The following MDFI variants were observed in gnomAD, a reference collection of about 807,000 sequenced individuals.
MDFI encodes inhibitor of MyoD family a.
In MDFI, 16 loss-of-function variants were observed where a neutral mutation model predicts 22.3. The ratio of observed to expected loss-of-function variants is 0.72; its 90% CI spans 0.49 to 1.09. The LOEUF is 1.09. Ranked by LOEUF, MDFI falls within the 50% of genes least tolerant of loss-of-function variation. The pLI is 0.00. For synonymous variants in MDFI, 145 were observed against 142.7 expected, an observed-to-expected ratio of 1.02 and a Z score of -0.12; for missense variants, 314 against 326.1, an observed-to-expected ratio of 0.96 and a Z score of 0.29.
At chr6:41,647,256 C>T (rs1318976664) in intron 3 of MDFI, among the ~76,000 whole-genome samples, 1 of 152,250 alleles carries the variant, frequency 6.6e-6, no homozygotes, top group Admixed American at 6.5e-5. Context: ...ACAGACACTC[C>T]TGTGTCTGTG....
intron 3 of MDFI, among the ~76,000 whole-genome samples, chr6:41,648,429 G>T (rs1314106916): frequency 6.6e-6 from 1 of 152,226 alleles, no homozygotes; most frequent in African/African-American, 2.4e-5. Context: ...CAGGCAGTGT[G>T]CAATGTTGTG....
chr6:41,638,691 G>A lies in MDFI; in HGVS notation c.-12+39G>A, dbSNP rs1767724172. 2 of 1,515,762 alleles carry A rather than the reference G, an allele frequency of 1.3e-6. No individual in the cohort carries two copies. The highest frequency in any genetic ancestry group is 1.4e-5 in the African/African-American group (1 of 72,248). The allele number at this position is 1,515,762 out of a possible 1,614,324, so 93.9% of individuals were successfully genotyped here. On this transcript the variant is annotated intron_variant, in intron 1 of 4. Transcript: ENST00000230321. The surrounding 1 kb of genome is among the most constrained non-coding windows in gnomAD (Gnocchi z 7.6). ...GGAGGCGCGCATCTGCGGGGGAATC[G>A]CCCCTTGCCCGCCTCCGGCGCCGCC...
At chr6:41,647,957 T>G (rs1768115288) in intron 3 of MDFI, among the ~76,000 whole-genome samples, 1 of 139,770 alleles carries the variant, frequency 7.2e-6, no homozygotes, top group South Asian at 2.2e-4. Context: ...GGCAGGAGAA[T>G]GGTGTGAACC....
chr6:41,651,264 G>A (rs553202027), intron 4 of MDFI, among the ~76,000 whole-genome samples: 1 of 149,612 alleles, frequency 6.7e-6, no homozygotes, highest in Non-Finnish European at 1.5e-5. Flanking sequence ...CATGAGAGAC[G>A]TAGATAGGTA....
rs765830391 is a variant in MDFI at position 41,646,283 on chromosome 6, C to T, written c.234C>T (p.Leu78=). Residue 78 remains leucine (L), a synonymous_variant, in exon 3 of 5, where the codon CTC becomes CTT. Coordinates refer to ENST00000230321, the MANE Select transcript of MDFI (RefSeq NM_005586.4). ...GIPQGLDSTD[L]DVPTEAVTCQ... is the part of the protein sequence containing the mutation. ...CCCAGGGCCTGGACAGCACTGACCTCGACGTCCCCACAGAAGCTGTGACAT... is the reference window on the plus strand; with the variant it reads ...CCCAGGGCCTGGACAGCACTGACCTTGACGTCCCCACAGAAGCTGTGACAT... 1.2e-5 allele frequency: 18 copies of T among 1,466,842 alleles called. No homozygotes were observed. The highest frequency in any genetic ancestry group is 1.5e-5 in the South Asian group (1 of 68,266). The allele number at this position is 1,466,842 out of a possible 1,614,324, so 90.9% of individuals were successfully genotyped here.
chr6:41,646,653 C>T (rs191521451), intron 3 of MDFI, among the ~76,000 whole-genome samples: 5 of 152,234 alleles, frequency 3.3e-5, no homozygotes, highest in Non-Finnish European at 7.3e-5. Flanking sequence ...TCCATCCTTC[C>T]GGGAATCAGG....
At chr6:41,639,941 A>G (rs925408248) in intron 2 of MDFI, 16 of 984,274 alleles carry the variant, frequency 1.6e-5, no homozygotes, top group African/African-American at 3.5e-5. Flanking sequence ...CTAGTTGTGG[A>G]GGTGGGGGGT....
chr6:41,642,272 A>G (rs1056690792), intron 2 of MDFI, among the ~76,000 whole-genome samples: 1 of 151,840 alleles, frequency 6.6e-6, no homozygotes, highest in Admixed American at 6.6e-5. Flanking sequence ...ACATCCGCTC[A>G]CCCCCTTGGC....
rs377486869 is a variant in MDFI at position 41,646,148 on chromosome 6, T to C, written c.99T>C (p.Pro33=). 1.3e-6 allele frequency: 2 copies of C among 1,546,140 alleles called. No individual in the cohort carries two copies. Among genetic ancestry groups the C allele is most frequent in the African/African-American group, 1.4e-5 (1 of 71,956 alleles). The change falls in exon 3 of 5, where the codon CCT becomes CCC. Residue 33 remains proline, a synonymous_variant. Coordinates refer to ENST00000230321, the MANE Select transcript of MDFI (RefSeq NM_005586.4). ...PGPAQTLSLL[P]GLEVVTGSTH... ...TAGCCCAGACCCTATCCCTCCTTCC[T>C]GGGCTGGAGGTAGTAACAGGATCCA...
intron 3 of MDFI, among the ~76,000 whole-genome samples, chr6:41,646,987 C>T (rs1047258636): frequency 3.9e-5 from 6 of 152,168 alleles, no homozygotes; most frequent in Non-Finnish European, 8.8e-5. Context: ...GAGAACGGCC[C>T]ACCCTGGTCC....
In MDFI at chr6:41,649,856, C is replaced by G. The variant is rs1561834082; in HGVS notation, c.484+13C>G. On this transcript the variant is annotated intron_variant, in intron 4 of 4. Transcript: ENST00000230321. ...CAGGCACAGGAAGGTAAGCACCCAT[C>G]CCATCTCTCCCTGGGAGAGGCCTCC... 6.2e-7 allele frequency: 1 copy of G among 1,609,468 alleles called. No individual in the cohort carries two copies. The highest frequency in any genetic ancestry group is 8.5e-7 in the Non-Finnish European group (1 of 1,177,428).
At chr6:41,645,057 T>G (rs925309428) in intron 2 of MDFI, among the ~76,000 whole-genome samples, 2 of 152,056 alleles carry the variant, frequency 1.3e-5, no homozygotes, top group African/African-American at 4.8e-5. Flanking sequence ...CTGTGTCTCC[T>G]TGCTCCTTCT....
chr6:41,647,083 T>G (rs961796904), intron 3 of MDFI, among the ~76,000 whole-genome samples: 2 of 152,160 alleles, frequency 1.3e-5, no homozygotes, highest in Non-Finnish European at 2.9e-5. Flanking sequence ...GCTGGAAGCC[T>G]CCTCCAGCCA....
intron 2 of MDFI, among the ~76,000 whole-genome samples, chr6:41,644,230 A>C (rs1767964738): frequency 6.6e-6 from 1 of 152,136 alleles, no homozygotes. Context: ...CTAAGAGGGG[A>C]GCTCTCAACA....
chr6:41,653,994 A>C lies in MDFI; in HGVS notation c.*419A>C. 1 of 233,104 alleles carries C rather than the reference A, an allele frequency of 4.3e-6. No individual in the cohort carries two copies. The highest frequency in any genetic ancestry group is 8.5e-6 in the Non-Finnish European group (1 of 117,686). The allele number at this position is 233,104 out of a possible 1,614,324, so 14.4% of individuals were successfully genotyped here. On this transcript the variant is annotated 3_prime_UTR_variant, in exon 5 of 5. Coordinates refer to ENST00000230321, the MANE Select transcript of MDFI (RefSeq NM_005586.4). This position sits in a 1 kb window ranked among gnomAD's most constrained non-coding sequence, Gnocchi z 4.2. ...CTCCTGGTGCCTGCCTCTCTCCTCCACCCCAGGCTTAGAGGACAGAAAAAT... is the reference window on the plus strand; with the variant it reads ...CTCCTGGTGCCTGCCTCTCTCCTCCCCCCCAGGCTTAGAGGACAGAAAAAT...
intron 2 of MDFI, among the ~76,000 whole-genome samples, chr6:41,643,374 C>T (rs1235412497): frequency 6.6e-6 from 1 of 152,132 alleles, no homozygotes; most frequent in East Asian, 1.9e-4. Flanking sequence ...AACTCTTGCA[C>T]CTCTGGGTAT....
chr6:41,648,754 A>T (rs1035621742), intron 3 of MDFI, among the ~76,000 whole-genome samples: 13 of 151,978 alleles, frequency 8.6e-5, no homozygotes, highest in African/African-American at 2.9e-4. Flanking sequence ...ACCTCCCCTC[A>T]TCTCTTGAGA....
intron 2 of MDFI, among the ~76,000 whole-genome samples, chr6:41,640,885 C>T (rs1767830609): frequency 6.6e-6 from 1 of 152,232 alleles, no homozygotes; most frequent in Non-Finnish European, 1.5e-5. Context: ...TTTTGCCCAG[C>T]ATTGGGGCGT....
upstream of MDFI, chr6:41,638,309 G>C (rs531975036): frequency 1.1e-5 from 2 of 176,324 alleles, no homozygotes; most frequent in South Asian, 2.2e-4. This position sits in a 1 kb window ranked among gnomAD's most constrained non-coding sequence, Gnocchi z 7.6. Context: ...GCGGACAGAC[G>C]TGTCCGGCTC....
Sources: allele counts gnomAD v4.1 joint callset (sites outside exome capture counted in the v4.1 genomes callset), GRCh38; gene constraint gnomAD v4.1.1; non-coding constraint Gnocchi (gnomAD v3.1); transcripts MANE v1.5; gene names NCBI Gene and HGNC (gene_info 2026-07-23, HGNC 2026-07-21).